Variants in SNX33 observed in about 807,000 individuals in gnomAD.
SNX33 encodes sorting nexin-33.
In SNX33, 19 loss-of-function variants were observed where a neutral mutation model predicts 38.8. The ratio of observed to expected loss-of-function variants is 0.49; its 90% CI spans 0.34 to 0.72. The LOEUF is 0.72. Among genes scored for constraint, SNX33 ranks in the 30% least tolerant of loss-of-function variants. The pLI is 0.01. For missense variants in SNX33, 641 were observed against 776.4 expected (o/e 0.83, Z 2.07); for synonymous variants, 246 against 289.7 (o/e 0.85, Z 1.53).
In SNX33 at chr15:75,648,302, C is replaced by T. The variant is rs1595997667; in HGVS notation, c.-801C>T. The T allele has an allele frequency of 4.1e-6, 4 of 985,414 alleles. No homozygotes were observed. In the African/African-American group the frequency reaches 5.2e-5, roughly 13 times the overall value. 61.0% of individuals were successfully genotyped at this position (985,414 alleles called of 1,614,324 possible). ...AAGTCGCCCGACAGCCTCGTCGCGC[C>T]CCCTCCTTCCTCCGGGGTTGGGGCT... On this transcript the variant is annotated 5_prime_UTR_variant, in exon 1 of 2. Coordinates refer to ENST00000308527, the MANE Select transcript of SNX33 (RefSeq NM_153271.2). This position sits in a 1 kb window ranked among gnomAD's most constrained non-coding sequence, Gnocchi z 4.4.
At chr15:75,654,263 G>A (rs1893625233) in intron 1 of SNX33, among the ~76,000 whole-genome samples, 1 of 152,124 alleles carries the variant, frequency 6.6e-6, no homozygotes, top group Non-Finnish European at 1.5e-5. Flanking sequence ...CCATTTTACA[G>A]ATGTGGAAAC....
intron 1 of SNX33, 71 bp from the exon 2 acceptor site, chr15:75,656,891 G>T (rs1189817733): frequency 1.3e-6 from 2 of 1,555,710 alleles, no homozygotes; most frequent in Non-Finnish European, 1.7e-6. Flanking sequence ...GGTGCTGTCT[G>T]CCCTCAAGGG....
chr15:75,653,500 C>T (rs1893610598), intron 1 of SNX33, among the ~76,000 whole-genome samples: 1 of 152,244 alleles, frequency 6.6e-6, no homozygotes, highest in Non-Finnish European at 1.5e-5. Flanking sequence ...AGACGAGGTG[C>T]AGCGATGCAG....
intron 1 of SNX33, among the ~76,000 whole-genome samples, chr15:75,656,471 G>A: frequency 6.6e-6 from 1 of 152,200 alleles, no homozygotes; most frequent in Non-Finnish European, 1.5e-5. Context: ...AGCTAGGAAA[G>A]GTGCCCAGCT....
Position 75,660,112 on chromosome 15 carries a change from C to G in SNX33, c.*2897C>G, listed in dbSNP as rs1180072077. ...CGGCTGGACCCAGCTGCCTCGTTTC[C>G]TCCCTTACTTTGCTCTGAGGGGGTG... On this transcript the variant is annotated 3_prime_UTR_variant, in exon 2 of 2. Transcript: ENST00000308527. 2 of 152,220 alleles carry G rather than the reference C, an allele frequency of 1.3e-5. No homozygotes were observed. The highest frequency in any genetic ancestry group is 2.4e-5 in the African/African-American group (1 of 41,436). The allele number at this position is 152,220 out of a possible 1,614,324, so 9.4% of individuals were successfully genotyped here.
rs1055006956 is a variant in SNX33, at chr15:75,649,740, C to T, written c.638C>T (p.Ser213Phe). 1 of 1,532,698 alleles carries T rather than the reference C, an allele frequency of 6.5e-7. No homozygotes were observed. The highest frequency in any genetic ancestry group is 1.3e-5 in the South Asian group (1 of 78,026). 94.9% of individuals were successfully genotyped at this position (1,532,698 alleles called of 1,614,324 possible). Residue 213 changes from serine (S) to phenylalanine (F), a missense_variant, in exon 1 of 2, where the codon TCC becomes TTC. By Grantham distance (155) the Ser-to-Phe change is radical. This residue lies in a region of SNX33 where 398 missense variants were observed against 542.5 expected (regional missense o/e 0.73). Transcript: ENST00000308527. The surrounding 1 kb of genome is among the most constrained non-coding windows in gnomAD (Gnocchi z 6.6). Reference protein sequence around the residue: ...PMMAKIAETYSIEMGPRGPQW... With the variant: ...PMMAKIAETYFIEMGPRGPQW... ...ATGGCCAAGATCGCTGAGACATACT[C>T]CATTGAAATGGGCCCTCGTGGCCCC...
chr15:75,649,591 A>C lies in SNX33; in HGVS notation c.489A>C (p.Pro163=). ...ACATGGCCTTCCGGCCCAAGCCACC[A>C]CTGGAGCGGCAGGACAGCCTGGCAT... ...SQHMAFRPKP[P]LERQDSLASA... The change falls in exon 1 of 2, where the codon CCA becomes CCC. Residue 163 remains proline, a synonymous_variant. Coordinates refer to ENST00000308527, the MANE Select transcript of SNX33 (RefSeq NM_153271.2). The surrounding 1 kb of genome is among the most constrained non-coding windows in gnomAD (Gnocchi z 6.6). 6.2e-7 allele frequency: 1 copy of C among 1,613,884 alleles called. No individual in the cohort carries two copies. The highest frequency in any genetic ancestry group is 1.7e-5 in the Admixed American group (1 of 59,998).
At position 75,649,670 on chromosome 15, in the gene SNX33, G is replaced by A; in HGVS notation, c.568G>A (p.Val190Met). The change falls in exon 1 of 2, where the codon GTG becomes ATG. Residue 190 changes from valine (V) to methionine (M), a missense_variant. Coordinates refer to ENST00000308527, the MANE Select transcript of SNX33 (RefSeq NM_153271.2). This position sits in a 1 kb window ranked among gnomAD's most constrained non-coding sequence, Gnocchi z 6.6. ...TAACCTCAACCGTTTCTCATGCTTT[G>A]TGCGTTCTGGAGTGGAGGCCTTCAT... ...GRNLNRFSCF[V>M]RSGVEAFILG... 6.3e-7 allele frequency: 1 copy of A among 1,591,292 alleles called. No homozygotes were observed. The highest frequency in any genetic ancestry group is 1.3e-5 in the African/African-American group (1 of 74,590).
At position 75,657,604 on chromosome 15, in the gene SNX33, C is replaced by T; in HGVS notation, c.*389C>T. On this transcript the variant is annotated 3_prime_UTR_variant, in exon 2 of 2. Coordinates refer to ENST00000308527, the MANE Select transcript of SNX33 (RefSeq NM_153271.2). This position sits in a 1 kb window ranked among gnomAD's most constrained non-coding sequence, Gnocchi z 5.5. ...GCACCCTTGGGTCGGATGCTGGGCA[C>T]CCAGGGCTGTGACATGCCTGCTCTT... 1 of 288,890 alleles carries T rather than the reference C, an allele frequency of 3.5e-6. No homozygotes were observed. The highest frequency in any genetic ancestry group is 6.8e-6 in the Non-Finnish European group (1 of 147,582). 17.9% of individuals were successfully genotyped at this position (288,890 alleles called of 1,614,324 possible). A position where few individuals can be genotyped will look rare whatever the true frequency, so the allele number is the denominator to read the frequency against.
chr15:75,648,097 G>T lies in SNX33; in HGVS notation c.-1006G>T. 1 of 985,504 alleles carries T rather than the reference G, an allele frequency of 1.0e-6. No individual in the cohort carries two copies. The allele number at this position is 985,504 out of a possible 1,614,324, so 61.0% of individuals were successfully genotyped here. On this transcript the variant is annotated 5_prime_UTR_variant, in exon 1 of 2. Transcript: ENST00000308527. This position sits in a 1 kb window ranked among gnomAD's most constrained non-coding sequence, Gnocchi z 4.4. ...GAGCTCACTCTCCAAACTCCAAACT[G>T]TTGAGTGTGTGCGTGCACGCGAGGG...
chr15:75,648,268 A>C lies in SNX33; in HGVS notation c.-835A>C, dbSNP rs1368934780. 2.0e-6 allele frequency: 2 copies of C among 985,128 alleles called. No individual in the cohort carries two copies. The highest frequency in any genetic ancestry group is 2.3e-4 in the East Asian group (2 of 8,762). 61.0% of individuals were successfully genotyped at this position (985,128 alleles called of 1,614,324 possible). On this transcript the variant is annotated 5_prime_UTR_variant, in exon 1 of 2. Coordinates refer to ENST00000308527, the MANE Select transcript of SNX33 (RefSeq NM_153271.2). The surrounding 1 kb of genome is among the most constrained non-coding windows in gnomAD (Gnocchi z 4.4). ...GGCAAACAAAAGAGACCACTCAGCG[A>C]GTGGCTAGAAGTCGCCCGACAGCCT...
In SNX33 at chr15:75,650,960, C is replaced by T. The variant is rs1893572383; in HGVS notation, c.1471+387C>T. On this transcript the variant is annotated intron_variant, in intron 1 of 1. Coordinates refer to ENST00000308527, the MANE Select transcript of SNX33 (RefSeq NM_153271.2). This position sits in a 1 kb window ranked among gnomAD's most constrained non-coding sequence, Gnocchi z 6.1. Reference sequence around the variant, plus strand: ...GTGCAGGGATATTGTTGTGCACAGGCCCGGTCTCTGTCCTCATGGAGCTTG... The same window carrying T: ...GTGCAGGGATATTGTTGTGCACAGGTCCGGTCTCTGTCCTCATGGAGCTTG... Among the ~76,000 whole-genome samples, 3 of 152,220 alleles carry T rather than the reference C, an allele frequency of 2.0e-5. No individual in the cohort carries two copies. The South Asian group carries it at 6.2e-4, about 32-fold the overall frequency.
intron 1 of SNX33, among the ~76,000 whole-genome samples, chr15:75,652,016 T>C (rs1893588256): frequency 6.6e-6 from 1 of 151,508 alleles, no homozygotes; most frequent in Admixed American, 6.6e-5. Flanking sequence ...GTTTTTTTTT[T>C]TTTTTCTCTC....
intron 1 of SNX33, among the ~76,000 whole-genome samples, chr15:75,655,146 A>G (rs1373865090): frequency 5.3e-5 from 8 of 152,234 alleles, no homozygotes; most frequent in Non-Finnish European, 7.3e-5. Context: ...AGGACCTGGC[A>G]TGGGCTCCCT....
At chr15:75,656,362 T>C (rs1566967812) in intron 1 of SNX33, among the ~76,000 whole-genome samples, 1 of 151,966 alleles carries the variant, frequency 6.6e-6, no homozygotes. Flanking sequence ...TTGACGAACA[T>C]GGGGGTCAGT....
intron 1 of SNX33, among the ~76,000 whole-genome samples, chr15:75,655,840 T>C (rs530392547): frequency 6.6e-6 from 1 of 152,332 alleles, no homozygotes; most frequent in South Asian, 2.1e-4. Context: ...TCCCTGCTCC[T>C]AATCTTCTTT....
In SNX33 at chr15:75,650,541, C is replaced by T. The variant is rs764717244; in HGVS notation, c.1439C>T (p.Ser480Phe). The change falls in exon 1 of 2, where the codon TCC (serine) becomes TTC (phenylalanine). Residue 480 changes from serine to phenylalanine, a missense_variant. Around this residue, in one of 2 missense-constraint regions of SNX33, gnomAD observed 398 missense variants for 542.5 expected, o/e 0.73. Coordinates refer to ENST00000308527, the MANE Select transcript of SNX33 (RefSeq NM_153271.2). The surrounding 1 kb of genome is among the most constrained non-coding windows in gnomAD (Gnocchi z 6.1). ...DTLSLYQGLL[S>F]NFPDIIHLQK... Reference sequence around the variant, plus strand: ...CTGTCTCTCTACCAGGGCCTGCTCTCCAACTTCCCTGACATCATCCATCTA... The same window carrying T: ...CTGTCTCTCTACCAGGGCCTGCTCTTCAACTTCCCTGACATCATCCATCTA... 3 of 1,606,908 alleles carry T rather than the reference C, an allele frequency of 1.9e-6. No individual in the cohort carries two copies. The highest frequency in any genetic ancestry group is 2.5e-6 in the Non-Finnish European group (3 of 1,176,880).
chr15:75,648,185 G>A lies in SNX33; in HGVS notation c.-918G>A, dbSNP rs1893521357. On this transcript the variant is annotated 5_prime_UTR_variant, in exon 1 of 2. Coordinates refer to ENST00000308527, the MANE Select transcript of SNX33 (RefSeq NM_153271.2). The surrounding 1 kb of genome is among the most constrained non-coding windows in gnomAD (Gnocchi z 4.4). ...GTTTCTGCTGGGGTTACCTTTGGAC[G>A]GGGTTCCTGGGATTCAGAGCAGGGT... 7 of 985,470 alleles carry A rather than the reference G, an allele frequency of 7.1e-6. No individual in the cohort carries two copies. Among genetic ancestry groups the A allele is most frequent in the African/African-American group, 1.7e-5 (1 of 57,256 alleles). The allele number at this position is 985,470 out of a possible 1,614,324, so 61.0% of individuals were successfully genotyped here.
Position 75,656,852 on chromosome 15 carries a change from A to G in SNX33, c.1472-110A>G, listed in dbSNP as rs553308898. 220 of 1,475,050 alleles carry G rather than the reference A, an allele frequency of 1.5e-4. 2 individuals carry two copies. Among genetic ancestry groups the G allele is most frequent in the Middle Eastern group, 1.5e-3 (6 of 4,054 alleles). 91.4% of individuals were successfully genotyped at this position (1,475,050 alleles called of 1,614,324 possible). On this transcript the variant is annotated intron_variant, in intron 1 of 1. Transcript: ENST00000308527. ...TGGCTGGAATGTGGGTCTGGGGCTCAGGAATGACGTCCGAGTTGAGCTGAT... is the reference window on the plus strand; with the variant it reads ...TGGCTGGAATGTGGGTCTGGGGCTCGGGAATGACGTCCGAGTTGAGCTGAT...
Sources: gnomAD v4.1 joint callset for allele counts (sites outside exome capture counted in the v4.1 genomes callset) on GRCh38, gnomAD v4.1.1 for gene constraint, gnomAD v4.1.1 regional missense constraint, Gnocchi (gnomAD v3.1) non-coding constraint, MANE v1.5 for transcripts, NCBI Gene and HGNC (gene_info 2026-07-23, HGNC 2026-07-21) for gene names.